Variants in ZRANB3 observed in about 807,000 individuals in gnomAD.
ZRANB3 encodes DNA annealing helicase and endonuclease ZRANB3.
Under a neutral mutation model 133.8 loss-of-function variants are expected in ZRANB3, and 125 were observed. The observed-to-expected ratio is 0.93, with a 90% CI of 0.81 to 1.08. ZRANB3 has a LOEUF of 1.08. Among genes scored for constraint, ZRANB3 ranks in the 50% least tolerant of loss-of-function variants. The pLI is 0.00. For missense variants in ZRANB3, 1,229 were observed against 1,275.5 expected, an observed-to-expected ratio of 0.96 and a Z score of 0.56; for synonymous variants, 387 against 432.7, an observed-to-expected ratio of 0.89 and a Z score of 1.31.
chr2:135,317,057 GATAAAATTATACACATACCA>G lies in ZRANB3; in HGVS notation c.678-1547_678-1528del, dbSNP rs764538658. 1.0e-3 allele frequency among the ~76,000 whole-genome samples: 150 copies of G among 150,474 alleles called. 1 individual carries two copies. The highest frequency in any genetic ancestry group is 6.8e-3 in the Middle Eastern group (2 of 292). ...AGTGAATGAATGGAATCTACTGTAT[GATAAAATTATACACATACCA>G]TTTAGTTGTCATCAATAAGAAATTT... On this transcript the variant is annotated intron_variant, in intron 6 of 20. Transcript: ENST00000264159.
Position 135,452,997 on chromosome 2 carries a change from G to T in ZRANB3, c.161+51332C>A, listed in dbSNP as rs1056798188. On this transcript the variant is annotated intron_variant, in intron 2 of 20. Coordinates refer to ENST00000264159, the MANE Select transcript of ZRANB3 (RefSeq NM_032143.4). Reference sequence around the variant, plus strand: ...GCCCTAACAGAGGTTCTGCATGGGGGCCCTGCCCTTGCAGCAAACTTTTGC... The same window carrying T: ...GCCCTAACAGAGGTTCTGCATGGGGTCCCTGCCCTTGCAGCAAACTTTTGC... Among the ~76,000 whole-genome samples, 4 of 152,230 alleles carry T rather than the reference G, an allele frequency of 2.6e-5. No individual in the cohort carries two copies. The East Asian group carries it at 7.7e-4, about 29-fold the overall frequency.
intron 12 of ZRANB3, 114 bp from the exon 13 acceptor site, chr2:135,231,041 C>T (rs900107097): frequency 1.1e-5 from 10 of 927,492 alleles, no homozygotes; most frequent in Admixed American, 3.7e-5. Flanking sequence ...CCTTTAAATA[C>T]CTTTTGGAAA....
At chr2:135,320,660 G>A (rs1173096051) in intron 6 of ZRANB3, among the ~76,000 whole-genome samples, 1 of 152,126 alleles carries the variant, frequency 6.6e-6, no homozygotes, top group Non-Finnish European at 1.5e-5. Flanking sequence ...GATGAAACAG[G>A]AAGTTTATGG....
chr2:135,389,950 G>A (rs539616939), intron 3 of ZRANB3, among the ~76,000 whole-genome samples: 17 of 134,364 alleles, frequency 1.3e-4, no homozygotes, highest in East Asian at 2.2e-4. Flanking sequence ...GCATGCTTTC[G>A]GCTCACTGCA....
rs755657667 is a variant in ZRANB3 at position 135,217,620 on chromosome 2, G to T, written c.2353-13C>A. On this transcript the variant is annotated splice_polypyrimidine_tract_variant and intron_variant, in intron 16 of 20. Transcript: ENST00000264159. The stretch of plus-strand genomic sequence containing the variant: ...CAAATCTCAAAATCTGGCAGAAAAT[G>T]AGATAATAAGAGTTAACAGCTCACA... 4 of 1,608,012 alleles carry T rather than the reference G, an allele frequency of 2.5e-6. No individual in the cohort carries two copies. The African/African-American group carries it at 5.4e-5, about 22-fold the overall frequency.
intron 3 of ZRANB3, among the ~76,000 whole-genome samples, chr2:135,385,991 T>A (rs1011349690): frequency 1.3e-5 from 2 of 151,966 alleles, no homozygotes; most frequent in African/African-American, 4.8e-5. Context: ...AAGAGACAAA[T>A]GGGGTCTAAT....
At chr2:135,504,845 G>T (rs1376275621) in intron 1 of ZRANB3, among the ~76,000 whole-genome samples, 1 of 151,984 alleles carries the variant, frequency 6.6e-6, no homozygotes, top group African/African-American at 2.4e-5. Flanking sequence ...GGATGAATCT[G>T]CTAGAGAAAG....
chr2:135,296,136 T>C (rs1003572437), intron 8 of ZRANB3, among the ~76,000 whole-genome samples: 1 of 152,234 alleles, frequency 6.6e-6, no homozygotes. Flanking sequence ...CCTTGCTAGA[T>C]TGGGGAAGTT....
At chr2:135,409,413 A>G (rs1688202435) in intron 2 of ZRANB3, among the ~76,000 whole-genome samples, 1 of 152,084 alleles carries the variant, frequency 6.6e-6, no homozygotes, top group Non-Finnish European at 1.5e-5. Context: ...GATGCTGAGA[A>G]AGCATTTGAT....
intron 2 of ZRANB3, among the ~76,000 whole-genome samples, chr2:135,461,755 C>CA (rs1275051834): frequency 2.0e-5 from 3 of 152,036 alleles, no homozygotes; most frequent in African/African-American, 7.2e-5. Context: ...GTTCTGAAGT[C>CA]AAAAAAATGA....
chr2:135,209,018 T>C, intron 17 of ZRANB3, 40 bp from the exon 18 acceptor site: 3 of 1,568,042 alleles, frequency 1.9e-6, no homozygotes, highest in Admixed American at 1.7e-5. Context: ...CTCTATCTCA[T>C]ATAAAAATGT....
intron 14 of ZRANB3, among the ~76,000 whole-genome samples, chr2:135,225,206 T>G (rs1460993430): frequency 6.6e-6 from 1 of 150,846 alleles, no homozygotes; most frequent in Non-Finnish European, 1.5e-5. Context: ...AGGAAGAAAC[T>G]GAGGCACGTT....
intron 2 of ZRANB3, among the ~76,000 whole-genome samples, chr2:135,443,785 A>T (rs969016526): frequency 6.6e-6 from 1 of 152,234 alleles, no homozygotes; most frequent in African/African-American, 2.4e-5. Context: ...GAATGAAGAG[A>T]CTAAAAAGAC....
intron 1 of ZRANB3, among the ~76,000 whole-genome samples, chr2:135,521,652 G>A (rs61286535): frequency 0.044 from 6,759 of 152,206 alleles, 506 homozygotes; most frequent in African/African-American, 0.16. Context: ...AATGACAGCT[G>A]TAAACAACAC....
At chr2:135,473,877 T>C (rs985836167) in intron 2 of ZRANB3, among the ~76,000 whole-genome samples, 4 of 152,128 alleles carry the variant, frequency 2.6e-5, no homozygotes, top group African/African-American at 9.7e-5. Flanking sequence ...CCTTGCCTGA[T>C]AGACACACTT....
chr2:135,500,939 C>G (rs902810514), intron 2 of ZRANB3, among the ~76,000 whole-genome samples: 1 of 151,870 alleles, frequency 6.6e-6, no homozygotes, highest in Non-Finnish European at 1.5e-5. Context: ...AAGTATAAAT[C>G]TAACTGGAAT....
At chr2:135,383,449 T>C (rs1686817826) in intron 3 of ZRANB3, among the ~76,000 whole-genome samples, 1 of 151,688 alleles carries the variant, frequency 6.6e-6, no homozygotes, top group African/African-American at 2.4e-5. Flanking sequence ...AGACAGAAAG[T>C]TAACAAGGAT....
intron 2 of ZRANB3, among the ~76,000 whole-genome samples, chr2:135,476,288 A>G (rs573699147): frequency 6.6e-6 from 1 of 152,228 alleles, no homozygotes; most frequent in African/African-American, 2.4e-5. Flanking sequence ...TAGCTGTGAT[A>G]AATAACATTG....
At chr2:135,347,012 GC>G (rs890799423) in intron 5 of ZRANB3, among the ~76,000 whole-genome samples, 4 of 152,052 alleles carry the variant, frequency 2.6e-5, no homozygotes, top group African/African-American at 9.7e-5. Flanking sequence ...CCTATTCTGG[GC>G]ATTTCATATA....
Sources: gnomAD v4.1 joint callset for allele counts (sites outside exome capture counted in the v4.1 genomes callset) on GRCh38, gnomAD v4.1.1 for gene constraint, MANE v1.5 for transcripts, NCBI Gene and HGNC (gene_info 2026-07-23, HGNC 2026-07-21) for gene names.